TBXAS1: variants seen among roughly 807,000 people sequenced by gnomAD.
TBXAS1 encodes thromboxane A synthase 1, also known as thromboxane-A synthase.
A neutral mutation model predicts 60.7 loss-of-function variants in TBXAS1; 48 were observed. That is an observed-to-expected ratio of 0.79 (90% CI 0.63 to 1.01). The LOEUF is 1.01. TBXAS1 is among the 50% of genes least tolerant of loss of function. TBXAS1 has a pLI of 0.00. For synonymous variants in TBXAS1, 287 were observed against 269.7 expected (o/e 1.06, Z -0.63); for missense variants, 685 against 686.3 (o/e 1.00, Z 0.02).
intron 1 of TBXAS1, among the ~76,000 whole-genome samples, chr7:139,834,420 C>A: frequency 6.6e-6 from 1 of 152,088 alleles, no homozygotes; most frequent in East Asian, 1.9e-4. Flanking sequence ...GAAATAGAAA[C>A]AAACTGAACC....
intron 4 of TBXAS1, among the ~76,000 whole-genome samples, chr7:139,921,721 C>T (rs1424105466): frequency 6.6e-6 from 1 of 152,142 alleles, no homozygotes; most frequent in Non-Finnish European, 1.5e-5. Flanking sequence ...TTTTTCATTG[C>T]TATGTAGCAT....
At chr7:139,891,426 A>G (rs142523419) in intron 3 of TBXAS1, among the ~76,000 whole-genome samples, 51 of 152,206 alleles carry the variant, frequency 3.4e-4, no homozygotes, top group African/African-American at 1.2e-3. Flanking sequence ...ATCCTCAATC[A>G]TACAGAAACA....
At chr7:139,907,111 T>G (rs1042192469) in intron 3 of TBXAS1, among the ~76,000 whole-genome samples, 13 of 152,214 alleles carry the variant, frequency 8.5e-5, no homozygotes, top group African/African-American at 2.9e-4. Context: ...CCTTGCCTTG[T>G]TCCCCATCTT....
intron 1 of TBXAS1, among the ~76,000 whole-genome samples, chr7:139,866,235 TG>T (rs1801409177): frequency 1.3e-5 from 2 of 152,124 alleles, no homozygotes; most frequent in Admixed American, 1.3e-4. Context: ...GCACAAAGTG[TG>T]GGAAAACCTC....
At chr7:140,016,099 T>A (rs189106903) in intron 11 of TBXAS1, among the ~76,000 whole-genome samples, 3 of 151,934 alleles carry the variant, frequency 2.0e-5, no homozygotes, top group Non-Finnish European at 4.4e-5. Flanking sequence ...GAGGCCAAGG[T>A]GGGCAGATCA....
intron 10 of TBXAS1, among the ~76,000 whole-genome samples, chr7:140,010,927 A>C (rs1191278864): frequency 6.6e-6 from 1 of 152,138 alleles, no homozygotes; most frequent in Non-Finnish European, 1.5e-5. Context: ...TTGAATTTTT[A>C]ATTATTTATA....
At chr7:139,931,732 C>T (rs1054198197) in intron 4 of TBXAS1, among the ~76,000 whole-genome samples, 12 of 152,136 alleles carry the variant, frequency 7.9e-5, no homozygotes, top group African/African-American at 1.9e-4. Context: ...TCCCACCACA[C>T]GTGGGAATTG....
At chr7:139,822,873 C>G (rs912306202) in intron 4 of TBXAS1, among the ~76,000 whole-genome samples, 1 of 152,186 alleles carries the variant, frequency 6.6e-6, no homozygotes, top group Non-Finnish European at 1.5e-5. Context: ...AGGTAGAAAG[C>G]ATCCAATCTG....
intron 1 of TBXAS1, among the ~76,000 whole-genome samples, chr7:139,857,121 G>C (rs1170308163): frequency 6.6e-6 from 1 of 152,000 alleles, no homozygotes; most frequent in Non-Finnish European, 1.5e-5. Flanking sequence ...TTTATTTTTA[G>C]TTTACAAGTT....
intron 9 of TBXAS1, among the ~76,000 whole-genome samples, chr7:139,997,497 T>C (rs1813379641): frequency 6.6e-6 from 1 of 152,202 alleles, no homozygotes; most frequent in Non-Finnish European, 1.5e-5. Flanking sequence ...TTGTGTCTGA[T>C]AATTGGGGCA....
At chr7:139,933,343 G>A (rs776627567) in intron 4 of TBXAS1, among the ~76,000 whole-genome samples, 11 of 152,138 alleles carry the variant, frequency 7.2e-5, no homozygotes, top group Non-Finnish European at 1.3e-4. Flanking sequence ...AATTTATTCT[G>A]TCTCATCAGA....
intron 9 of TBXAS1, among the ~76,000 whole-genome samples, chr7:140,003,295 C>T (rs1437520694): frequency 6.6e-6 from 1 of 152,062 alleles, no homozygotes; most frequent in Admixed American, 6.5e-5. Context: ...ACCTCCACCT[C>T]CCGGTTCAAG....
intron 4 of TBXAS1, among the ~76,000 whole-genome samples, chr7:139,798,605 C>T (rs1167116306): frequency 1.3e-5 from 2 of 152,066 alleles, no homozygotes; most frequent in Admixed American, 6.6e-5. Flanking sequence ...TTTCCTACAC[C>T]GAGGCTCAAA....
At chr7:139,843,130 G>A (rs1233239488) in intron 1 of TBXAS1, among the ~76,000 whole-genome samples, 1 of 152,196 alleles carries the variant, frequency 6.6e-6, no homozygotes, top group East Asian at 1.9e-4. Flanking sequence ...CCTCCAAGCT[G>A]CACAGCGCAG....
chr7:139,779,288 A>T (rs145891106), intron 1 of TBXAS1, among the ~76,000 whole-genome samples: 32 of 152,282 alleles, frequency 2.1e-4, no homozygotes, highest in African/African-American at 7.7e-4. Context: ...CAAAAAAGGC[A>T]AGCTCTTTCA....
intron 3 of TBXAS1, among the ~76,000 whole-genome samples, chr7:139,909,719 G>A (rs1805371716): frequency 6.6e-6 from 1 of 152,214 alleles, no homozygotes; most frequent in African/African-American, 2.4e-5. Context: ...TGGTAAATAA[G>A]TGCTAGAGTA....
intron 1 of TBXAS1, among the ~76,000 whole-genome samples, chr7:139,865,668 GGAGGAGGAGGAA>G (rs1801319360): frequency 3.7e-4 from 38 of 102,626 alleles, no homozygotes; most frequent in African/African-American, 4.5e-4. Flanking sequence ...AGGAGGAAGA[GGAGGAGGAGGAA>G]GAGGAGGAGG....
At chr7:139,966,271 T>C (rs1358219039) in intron 9 of TBXAS1, among the ~76,000 whole-genome samples, 2 of 152,238 alleles carry the variant, frequency 1.3e-5, no homozygotes, top group Non-Finnish European at 2.9e-5. Flanking sequence ...CATGGGAATC[T>C]GATGAGAGCT....
chr7:139,794,664 C>A (rs1480558172), intron 4 of TBXAS1, among the ~76,000 whole-genome samples: 8 of 110,256 alleles, frequency 7.3e-5, no homozygotes, highest in Non-Finnish European at 1.2e-4. Context: ...TCCCTCCCCC[C>A]TCCCCCCACC....
Sources: allele counts gnomAD v4.1 joint callset (sites outside exome capture counted in the v4.1 genomes callset), GRCh38; gene constraint gnomAD v4.1.1; transcripts MANE v1.5; gene names NCBI Gene and HGNC (gene_info 2026-07-23, HGNC 2026-07-21).